Variants in GPHN observed in about 807,000 individuals in gnomAD.
The protein encoded by GPHN is gephyrin.
Under a neutral mutation model 95.5 loss-of-function variants are expected in GPHN, and 17 were observed. That is an observed-to-expected ratio of 0.18 (90% CI 0.12 to 0.27). The LOEUF is 0.27. Among genes scored for constraint, GPHN ranks in the 10% least tolerant of loss-of-function variants. The pLI is 1.00. For synonymous variants in GPHN, 320 were observed against 322.5 expected (o/e 0.99, Z 0.08); for missense variants, 660 against 978.1 (o/e 0.67, Z 4.34).
chr14:67,050,814 C>T (rs1419834930), intron 10 of GPHN, among the ~76,000 whole-genome samples: 1 of 151,458 alleles, frequency 6.6e-6, no homozygotes, highest in Non-Finnish European at 1.5e-5. Flanking sequence ...GCAGTTGGTG[C>T]AACCCATGGT....
At chr14:67,214,162 T>C in the GPHN span, among the ~76,000 whole-genome samples, 1 of 152,212 alleles carries the variant, frequency 6.6e-6, no homozygotes, top group Non-Finnish European at 1.5e-5. Flanking sequence ...AGAAGCTCTT[T>C]AGTTTAATTA....
intron 13 of GPHN, among the ~76,000 whole-genome samples, chr14:67,108,409 T>G (rs1258313973): frequency 6.6e-6 from 1 of 152,142 alleles, no homozygotes. Context: ...GTTAAAATAG[T>G]CCATAGAGGT....
At chr14:67,463,554 G>A in the GPHN span, among the ~76,000 whole-genome samples, 1 of 148,570 alleles carries the variant, frequency 6.7e-6, no homozygotes. Context: ...CAGGAGAATC[G>A]CTTGAACCTG....
intron 17 of GPHN, among the ~76,000 whole-genome samples, chr14:67,132,381 A>G (rs939466132): frequency 6.6e-6 from 1 of 152,140 alleles, no homozygotes; most frequent in African/African-American, 2.4e-5. Flanking sequence ...TTTATAAACT[A>G]TCTGCTCTCC....
chr14:67,528,853 C>T, the GPHN span, among the ~76,000 whole-genome samples: 1 of 152,210 alleles, frequency 6.6e-6, no homozygotes, highest in Non-Finnish European at 1.5e-5. Context: ...CGTGACAATG[C>T]AGACTCCTGG....
intron 2 of GPHN, among the ~76,000 whole-genome samples, chr14:66,717,773 C>G (rs995261078): frequency 6.6e-6 from 1 of 152,198 alleles, no homozygotes; most frequent in Non-Finnish European, 1.5e-5. Flanking sequence ...ATGGTTATCT[C>G]TCTTCTTGGT....
chr14:66,732,991 G>T (rs1209553657), intron 2 of GPHN, among the ~76,000 whole-genome samples: 1 of 152,148 alleles, frequency 6.6e-6, no homozygotes, highest in African/African-American at 2.4e-5. Context: ...GCCAGGGGTG[G>T]AATGATACAG....
chr14:67,648,201 C>T, the GPHN span: 3 of 1,607,896 alleles, frequency 1.9e-6, no homozygotes, highest in Admixed American at 3.4e-5. Flanking sequence ...GCAACCAGGT[C>T]TGCAGCCTGT....
At chr14:67,487,796 T>TAA in the GPHN span, among the ~76,000 whole-genome samples, 1 of 148,700 alleles carries the variant, frequency 6.7e-6, no homozygotes, top group Non-Finnish European at 1.5e-5. Context: ...CCATGTACTT[T>TAA]AAAAAAAAAA....
chr14:67,381,800 GT>G, the GPHN span: 1 of 719,864 alleles, frequency 1.4e-6, no homozygotes, highest in Non-Finnish European at 2.3e-6. Context: ...ACAAAAGTGG[GT>G]TTTTTACTCT....
the GPHN span, among the ~76,000 whole-genome samples, chr14:67,684,359 A>G: frequency 1.3e-5 from 2 of 152,160 alleles, no homozygotes; most frequent in Admixed American, 1.3e-4. Context: ...ATAATATGGG[A>G]GAAGAAAAAT....
the GPHN span, chr14:67,279,096 T>G: frequency 7.4e-7 from 1 of 1,358,096 alleles, no homozygotes; most frequent in Non-Finnish European, 9.7e-7. Context: ...ATGGATTTTA[T>G]ACTACAGAAT....
At chr14:67,112,317 A>G (rs1412428854) in intron 15 of GPHN, among the ~76,000 whole-genome samples, 1 of 152,224 alleles carries the variant, frequency 6.6e-6, no homozygotes, top group Admixed American at 6.5e-5. Context: ...ACCAATAATA[A>G]TGGAATAATC....
the GPHN span, among the ~76,000 whole-genome samples, chr14:67,249,586 TATATCTA>T: frequency 6.6e-6 from 1 of 152,258 alleles, no homozygotes; most frequent in Non-Finnish European, 1.5e-5. Flanking sequence ...CAGTTTGTAG[TATATCTA>T]ATAAGTTCAA....
At chr14:66,803,683 CCT>C (rs1281437816) in intron 3 of GPHN, among the ~76,000 whole-genome samples, 2 of 151,644 alleles carry the variant, frequency 1.3e-5, no homozygotes, top group African/African-American at 2.4e-5. Context: ...TTATATTTTT[CCT>C]CTTTCTTTTT....
At chr14:67,338,665 T>C in the GPHN span, 1 of 1,614,152 alleles carries the variant, frequency 6.2e-7, no homozygotes, top group Non-Finnish European at 8.5e-7. Flanking sequence ...GCCAGAAGAT[T>C]AGCAGGCTCC....
the GPHN span, chr14:67,323,920 G>C: frequency 1.6e-6 from 1 of 621,716 alleles, no homozygotes; most frequent in Admixed American, 3.6e-5. Context: ...CTTTCAAACT[G>C]ATTATTTTTT....
At chr14:67,702,271 T>G in the GPHN span, among the ~76,000 whole-genome samples, 38 of 152,142 alleles carry the variant, frequency 2.5e-4, no homozygotes, top group Admixed American at 5.9e-4. Flanking sequence ...GCCTGGCCTG[T>G]GCTCAGTTTT....
chr14:67,150,453 C>CAAAAAAA (rs1164806975), intron 18 of GPHN, among the ~76,000 whole-genome samples: 69 of 98,040 alleles, frequency 7.0e-4, no homozygotes, highest in East Asian at 1.0e-3. Context: ...AAAAAAAAAA[C>CAAAAAAA]AAAAAAAAAA....
Sources: gnomAD v4.1 joint callset for allele counts (sites outside exome capture counted in the v4.1 genomes callset) on GRCh38, gnomAD v4.1.1 for gene constraint, MANE v1.5 for transcripts, NCBI Gene and HGNC (gene_info 2026-07-23, HGNC 2026-07-21) for gene names.